The following SRPK2 variants were observed in gnomAD, a reference collection of about 807,000 sequenced individuals.
The protein encoded by SRPK2 is SFRS protein kinase 2.
SRPK2 carries 21 observed loss-of-function variants against 90.8 expected under a neutral mutation model. The observed-to-expected ratio is 0.23, with a 90% CI of 0.16 to 0.33. The LOEUF (loss-of-function observed/expected upper bound fraction) is 0.33. Ranked by LOEUF, SRPK2 falls within the 10% of genes least tolerant of loss-of-function variation. The probability of loss-of-function intolerance (pLI) is 1.00; values close to 1 mark genes in which losing one functional copy is unlikely to be tolerated. For missense variants in SRPK2, 620 were observed against 869.0 expected, an observed-to-expected ratio of 0.71 and a Z score of 3.60; for synonymous variants, 288 against 311.1, an observed-to-expected ratio of 0.93 and a Z score of 0.78.
Position 105,141,866 on chromosome 7 carries a change from C to A in SRPK2, c.1543+142G>T, listed in dbSNP as rs1045210760. 1.4e-5 allele frequency: 12 copies of A among 866,380 alleles called. No homozygotes were observed. The African/African-American group carries it at 1.8e-4, about 13-fold the overall frequency. 53.7% of individuals were successfully genotyped at this position (866,380 alleles called of 1,614,324 possible). A position where few individuals can be genotyped will look rare whatever the true frequency, so the allele number is the denominator to read the frequency against. ...AAAATTTATTTAAATCACATTACTT[C>A]TTCAGGAGTATAAAAGTAATAAAAC... On this transcript the variant is annotated intron_variant, in intron 11 of 15. Transcript: ENST00000393651.
At chr7:105,332,383 CA>C (rs1313728154) in intron 2 of SRPK2, among the ~76,000 whole-genome samples, 2 of 151,686 alleles carry the variant, frequency 1.3e-5, no homozygotes, top group Admixed American at 6.6e-5. Context: ...CTTCTATTTC[CA>C]AAAAAAATTA....
intron 7 of SRPK2, among the ~76,000 whole-genome samples, chr7:105,152,964 G>A (rs1035103715): frequency 1.3e-5 from 2 of 152,110 alleles, no homozygotes; most frequent in Non-Finnish European, 1.5e-5. Flanking sequence ...AACTCAGGAG[G>A]CGGAGGTTGC....
intron 2 of SRPK2, chr7:105,304,442 T>C (rs1810930424): frequency 6.6e-6 from 1 of 151,990 alleles, no homozygotes; most frequent in African/African-American, 2.4e-5. Context: ...GTAAGTACAC[T>C]ACACACCATT....
chr7:105,332,043 G>A (rs1164676203), intron 2 of SRPK2, among the ~76,000 whole-genome samples: 2 of 152,158 alleles, frequency 1.3e-5, no homozygotes, highest in Non-Finnish European at 2.9e-5. Context: ...GGGAAAGCCA[G>A]CAGCACAAAG....
intron 13 of SRPK2, among the ~76,000 whole-genome samples, chr7:105,128,202 A>G (rs1481841560): frequency 6.6e-6 from 1 of 152,220 alleles, no homozygotes; most frequent in South Asian, 2.1e-4. Context: ...AATCACTTGA[A>G]GGAAGGAAGG....
At chr7:105,168,745 A>ATGTGTGTGTGTGTG (rs58073613) in intron 4 of SRPK2, among the ~76,000 whole-genome samples, 2,847 of 104,048 alleles carry the variant, frequency 0.027, 103 homozygotes, top group Middle Eastern at 0.044. Flanking sequence ...CACGCACCAA[A>ATGTGTGTGTGTGTG]TGTGTGTGTG....
At chr7:105,127,381 C>A (rs548932727) in intron 13 of SRPK2, among the ~76,000 whole-genome samples, 87 of 152,168 alleles carry the variant, frequency 5.7e-4, no homozygotes, top group Non-Finnish European at 1.1e-3. Context: ...AATGGTAGAA[C>A]GAGAGTTCAA....
chr7:105,387,328 G>T (rs772695544), intron 2 of SRPK2, among the ~76,000 whole-genome samples: 1 of 152,110 alleles, frequency 6.6e-6, no homozygotes, highest in African/African-American at 2.4e-5. Context: ...GTTCACCAAA[G>T]GAAATCTCAA....
rs567455868 is a variant in SRPK2, at chr7:105,290,765, GCGGTGGCTCA to G, written c.72-86990_72-86981del. Reference sequence around the variant, plus strand: ...CCAAATGAAGAAATGAAGGCCGGGCGCGGTGGCTCACGCCTGTAATCCCAGCACTTTGGGA... The same window carrying G: ...CCAAATGAAGAAATGAAGGCCGGGCGCGCCTGTAATCCCAGCACTTTGGGA... On this transcript the variant is annotated intron_variant, in intron 2 of 15. Transcript: ENST00000393651. 1.5e-3 allele frequency among the ~76,000 whole-genome samples: 222 copies of G among 152,190 alleles called. 1 individual carries two copies. The highest frequency in any genetic ancestry group is 5.1e-3 in the African/African-American group (210 of 41,532).
chr7:105,168,227 T>C (rs1295478797), intron 4 of SRPK2, 132 bp from the exon 5 acceptor site: 3 of 680,890 alleles, frequency 4.4e-6, no homozygotes, highest in African/African-American at 3.6e-5. Flanking sequence ...ACATTATGAG[T>C]GTGTCAACAC....
intron 3 of SRPK2, among the ~76,000 whole-genome samples, chr7:105,181,779 T>C (rs1291863948): frequency 1.3e-5 from 2 of 151,720 alleles, no homozygotes; most frequent in Non-Finnish European, 2.9e-5. Flanking sequence ...CTATGCTTAT[T>C]ACCTGGGTGA....
chr7:105,135,021 ACT>A (rs1802584200), intron 11 of SRPK2, among the ~76,000 whole-genome samples: 1 of 152,192 alleles, frequency 6.6e-6, no homozygotes, highest in Admixed American at 6.5e-5. Context: ...ATGAATATAC[ACT>A]GATTCACCTG....
At chr7:105,291,592 T>C (rs867913877) in intron 2 of SRPK2, among the ~76,000 whole-genome samples, 76 of 152,070 alleles carry the variant, frequency 5.0e-4, no homozygotes, top group African/African-American at 1.5e-3. Flanking sequence ...TAGCCGGGCA[T>C]GGTGGCGCAC....
chr7:105,331,703 A>G (rs1348454458), intron 2 of SRPK2, among the ~76,000 whole-genome samples: 1 of 152,198 alleles, frequency 6.6e-6, no homozygotes, highest in African/African-American at 2.4e-5. Context: ...ATCTACCGGA[A>G]AACACAGTAA....
intron 2 of SRPK2, among the ~76,000 whole-genome samples, chr7:105,367,451 C>T (rs558788802): frequency 4.5e-4 from 68 of 152,066 alleles, no homozygotes; most frequent in Non-Finnish European, 8.2e-4. Flanking sequence ...TTTATAGAGA[C>T]GGGGTCTCAC....
intron 2 of SRPK2, among the ~76,000 whole-genome samples, chr7:105,248,815 G>C (rs946989654): frequency 6.6e-6 from 1 of 151,578 alleles, no homozygotes; most frequent in Non-Finnish European, 1.5e-5. Flanking sequence ...TGTGGTGTTG[G>C]GCGCCTGGGC....
intron 2 of SRPK2, among the ~76,000 whole-genome samples, chr7:105,228,464 C>G (rs1280247398): frequency 6.6e-6 from 1 of 152,164 alleles, no homozygotes; most frequent in Non-Finnish European, 1.5e-5. Flanking sequence ...ATAAAAAGTT[C>G]TTTAGATGTA....
chr7:105,196,071 G>A (rs1038257397), intron 3 of SRPK2, among the ~76,000 whole-genome samples: 3 of 152,208 alleles, frequency 2.0e-5, no homozygotes, highest in Non-Finnish European at 2.9e-5. Context: ...TTTAAAGCTT[G>A]TATCATAAAT....
Position 105,117,689 on chromosome 7 carries a change from A to G in SRPK2, c.*149T>C, listed in dbSNP as rs1308417354. 4 of 844,088 alleles carry G rather than the reference A, an allele frequency of 4.7e-6. No homozygotes were observed. The highest frequency in any genetic ancestry group is 1.7e-5 in the African/African-American group (1 of 57,936). The allele number at this position is 844,088 out of a possible 1,614,324, so 52.3% of individuals were successfully genotyped here. ...CCAGGATCACAGTGCACAAAAAGCA[A>G]AATGTCAAACAACAGTACCTCAAAG... is the stretch of plus-strand genomic sequence containing the variant. On this transcript the variant is annotated 3_prime_UTR_variant, in exon 16 of 16. Transcript: ENST00000393651.
Sources: allele counts gnomAD v4.1 joint callset (sites outside exome capture counted in the v4.1 genomes callset), GRCh38; gene constraint gnomAD v4.1.1; transcripts MANE v1.5; gene names NCBI Gene and HGNC (gene_info 2026-07-23, HGNC 2026-07-21).